Variants in PVT1 observed in about 807,000 individuals in gnomAD.
The protein encoded by PVT1 is CXCR4/PVT1 fusion.
chr8:128,010,682 G>A (rs1192234741), intron 4 of PVT1: 1 of 152,212 alleles, frequency 6.6e-6, no homozygotes, highest in Non-Finnish European at 1.5e-5. Context: ...AGCAGACTTA[G>A]GAGAGGTCTT....
At chr8:127,844,304 T>C (rs568032684) in intron 2 of PVT1, among the ~76,000 whole-genome samples, 1 of 152,272 alleles carries the variant, frequency 6.6e-6, no homozygotes, top group South Asian at 2.1e-4. Flanking sequence ...CAGTCCTGAT[T>C]GCAGCCTCAT....
At chr8:127,909,631 G>A (rs971921405) in intron 3 of PVT1, among the ~76,000 whole-genome samples, 2 of 152,178 alleles carry the variant, frequency 1.3e-5, no homozygotes, top group Non-Finnish European at 1.5e-5. Flanking sequence ...GAGTGGATTG[G>A]ACCTTTAAGA....
chr8:127,883,796 C>T (rs72718575), intron 2 of PVT1, among the ~76,000 whole-genome samples: 135 of 152,220 alleles, frequency 8.9e-4, no homozygotes, highest in Non-Finnish European at 1.6e-3. Flanking sequence ...GGGGCAATTC[C>T]GTGTCACTGG....
chr8:127,914,749 A>T (rs1815960027), intron 3 of PVT1, among the ~76,000 whole-genome samples: 1 of 152,114 alleles, frequency 6.6e-6, no homozygotes, highest in Non-Finnish European at 1.5e-5. Context: ...ATATAGACAG[A>T]AAGCAGATTA....
intron 4 of PVT1, among the ~76,000 whole-genome samples, chr8:128,002,720 C>T (rs559835467): frequency 6.6e-6 from 1 of 152,242 alleles, no homozygotes; most frequent in South Asian, 2.1e-4. Context: ...ACCAGCATGA[C>T]CTCATCATAA....
intron 2 of PVT1, among the ~76,000 whole-genome samples, chr8:127,886,627 T>A (rs1190545290): frequency 6.6e-6 from 1 of 152,198 alleles, no homozygotes; most frequent in African/African-American, 2.4e-5. Context: ...TCAGATTTTT[T>A]TTTTAATTGT....
chr8:128,085,076 G>A (rs183560219), intron 5 of PVT1, among the ~76,000 whole-genome samples: 94 of 152,258 alleles, frequency 6.2e-4, no homozygotes, highest in African/African-American at 2.1e-3. Context: ...GTCTGTGCAG[G>A]CTTGTGACTG....
intron 3 of PVT1, among the ~76,000 whole-genome samples, chr8:127,945,054 A>G (rs561656884): frequency 4.1e-4 from 63 of 152,244 alleles, no homozygotes; most frequent in Non-Finnish European, 6.8e-4. Flanking sequence ...ATAAAAATGA[A>G]CCTGAAGTGG....
intron 3 of PVT1, among the ~76,000 whole-genome samples, chr8:127,925,833 G>A (rs1357557114): frequency 6.6e-6 from 1 of 152,096 alleles, no homozygotes; most frequent in Non-Finnish European, 1.5e-5. Context: ...TAGAGATGGG[G>A]TTTCACCATG....
At chr8:128,039,996 C>G (rs73710122) in intron 4 of PVT1, among the ~76,000 whole-genome samples, 1 of 152,132 alleles carries the variant, frequency 6.6e-6, no homozygotes, top group Non-Finnish European at 1.5e-5. Context: ...TGGGCCAATC[C>G]TCAGGGTGAG....
chr8:128,015,341 C>T (rs866206640), intron 4 of PVT1, among the ~76,000 whole-genome samples: 1 of 152,136 alleles, frequency 6.6e-6, no homozygotes, highest in East Asian at 1.9e-4. Flanking sequence ...CTGCCCATCT[C>T]GGCCTCCCAA....
At chr8:128,024,122 A>C (rs1817467532) in intron 4 of PVT1, among the ~76,000 whole-genome samples, 1 of 152,246 alleles carries the variant, frequency 6.6e-6, no homozygotes, top group South Asian at 2.1e-4. Flanking sequence ...CACCGTCTGC[A>C]GAGCCCACAG....
At position 127,967,374 on chromosome 8, in the gene PVT1, C is replaced by A. The variant is rs1006924897; in HGVS notation, n.783-21788C>A. Among the ~76,000 whole-genome samples, 6 of 152,324 alleles carry A rather than the reference C, an allele frequency of 3.9e-5. No individual in the cohort carries two copies. The South Asian group carries it at 1.2e-3, about 32-fold the overall frequency. On this transcript the variant is annotated intron_variant and non_coding_transcript_variant, in intron 3 of 10. Coordinates refer to ENST00000651587, the Ensembl canonical transcript of PVT1. The stretch of plus-strand genomic sequence containing the variant: ...CCTGGGATTAGTCCCACGAAGGCTG[C>A]GCTCTTGTTTGCCCAAGTCTCCTCC...
chr8:127,893,587 C>G (rs1339295231), intron 3 of PVT1, among the ~76,000 whole-genome samples: 3 of 152,202 alleles, frequency 2.0e-5, no homozygotes, highest in African/African-American at 7.2e-5. Context: ...AGAGGGAAAT[C>G]AAGTGTCCCT....
At chr8:127,832,633 C>T (rs35618008) in intron 2 of PVT1, among the ~76,000 whole-genome samples, 13,034 of 152,048 alleles carry the variant, frequency 0.086, 775 homozygotes, top group African/African-American at 0.16. Flanking sequence ...CCAAGGCGGG[C>T]GGATCACGAG....
At chr8:127,891,118 CAG>C (rs1815596939) in intron 3 of PVT1, 1 of 152,256 alleles carries the variant, frequency 6.6e-6, no homozygotes, top group African/African-American at 2.4e-5. Context: ...CTGGGGGAGA[CAG>C]ATGGAACTAA....
intron 4 of PVT1, among the ~76,000 whole-genome samples, chr8:128,058,871 C>T (rs990805686): frequency 3.3e-5 from 5 of 152,184 alleles, no homozygotes; most frequent in Admixed American, 6.5e-5. Flanking sequence ...CCTTTCCAGC[C>T]TCATCTGTTT....
At chr8:128,068,946 A>C (rs1047256351) in intron 4 of PVT1, among the ~76,000 whole-genome samples, 11 of 152,206 alleles carry the variant, frequency 7.2e-5, no homozygotes, top group African/African-American at 2.7e-4. Flanking sequence ...TATTTAGAAG[A>C]CAGTTTCCAG....
intron 3 of PVT1, among the ~76,000 whole-genome samples, chr8:127,943,115 G>T (rs1251965483): frequency 2.0e-5 from 3 of 152,178 alleles, no homozygotes; most frequent in Non-Finnish European, 4.4e-5. Context: ...TCGTGACTCA[G>T]TAAGATGATG....
Sources: gnomAD v4.1 joint callset for allele counts (sites outside exome capture counted in the v4.1 genomes callset) on GRCh38, gnomAD v4.1.1 for gene constraint, MANE v1.5 for transcripts, NCBI Gene and HGNC (gene_info 2026-07-23, HGNC 2026-07-21) for gene names.